HNRNPDL: variants seen among roughly 807,000 people sequenced by gnomAD.
HNRNPDL encodes the protein heterogeneous nuclear ribonucleoprotein D like, also known as heterogeneous nuclear ribonucleoprotein D-like.
HNRNPDL carries 18 observed loss-of-function variants against 48.0 expected under a neutral mutation model. The observed-to-expected ratio is 0.38, with a 90% CI of 0.26 to 0.56. The LOEUF is 0.56. Among genes scored for constraint, HNRNPDL ranks in the 20% least tolerant of loss-of-function variants. The pLI is 0.77. For synonymous variants in HNRNPDL, 306 were observed against 207.3 expected (o/e 1.48, Z -4.09); for missense variants, 553 against 540.7 (o/e 1.02, Z -0.23).
rs1721469187 is a variant in HNRNPDL at position 82,427,578 on chromosome 4, G to A, written c.775-14C>T. The A allele has an allele frequency of 1.2e-6, 2 of 1,605,800 alleles. No individual in the cohort carries two copies. Among genetic ancestry groups the A allele is most frequent in the Non-Finnish European group, 1.7e-6 (2 of 1,177,504 alleles). On this transcript the variant is annotated splice_polypyrimidine_tract_variant and intron_variant, in intron 3 of 7. Transcript: ENST00000295470. ...AATATTTTCAATCTGAAATCGAGATGCACACTCAACGTCATCCCATAATTG... is the reference window on the plus strand; with the variant it reads ...AATATTTTCAATCTGAAATCGAGATACACACTCAACGTCATCCCATAATTG...
Position 82,429,238 on chromosome 4 carries a change from C to G in HNRNPDL, c.443+10G>C, listed in dbSNP as rs201715406. On this transcript the variant is annotated intron_variant, in intron 1 of 7. Transcript: ENST00000295470. The stretch of plus-strand genomic sequence containing the variant: ...GGGGGAGGGGGAGCGGGGGAAGAAG[C>G]GTGCGGTACCCGTCATCCTGCTGAT... 6.2e-6 allele frequency: 10 copies of G among 1,612,388 alleles called. No homozygotes were observed. In the African/African-American group the frequency reaches 8.0e-5, roughly 13 times the overall value.
chr4:82,427,660 T>C (rs916018464), intron 3 of HNRNPDL, 96 bp from the exon 4 acceptor site: 15 of 1,141,140 alleles, frequency 1.3e-5, no homozygotes, highest in Admixed American at 4.3e-5. Flanking sequence ...CTTAAACATG[T>C]TATTCTTATC....
At position 82,424,323 on chromosome 4, in the gene HNRNPDL, C is replaced by T. The variant is rs1405047616; in HGVS notation, c.*583G>A. 6.6e-6 allele frequency: 1 copy of T among 152,402 alleles called. No homozygotes were observed. The highest frequency in any genetic ancestry group is 6.5e-5 in the Admixed American group (1 of 15,278). 9.4% of individuals were successfully genotyped at this position (152,402 alleles called of 1,614,324 possible). A position where few individuals can be genotyped will look rare whatever the true frequency, so the allele number is the denominator to read the frequency against. On this transcript the variant is annotated 3_prime_UTR_variant, in exon 8 of 8. Coordinates refer to ENST00000295470, the MANE Select transcript of HNRNPDL (RefSeq NM_031372.4). The stretch of plus-strand genomic sequence containing the variant: ...TACAATCCAGAAGAAATATGGTCTA[C>T]TAGAAAGCTTCTACTAATCACAACA...
At chr4:82,427,992 T>C in intron 3 of HNRNPDL, 26 bp downstream of exon 3, 1 of 1,602,410 alleles carries the variant, frequency 6.2e-7, no homozygotes, top group Non-Finnish European at 8.5e-7. Flanking sequence ...ACATCAAGCT[T>C]AACATGTGTA....
chr4:82,427,381 G>A (rs963688384), intron 4 of HNRNPDL, 52 bp downstream of exon 4: 10 of 1,533,480 alleles, frequency 6.5e-6, no homozygotes, highest in Non-Finnish European at 7.9e-6. Flanking sequence ...TCCACATCAA[G>A]AAATTATTTC....
rs1357810380 is a variant in HNRNPDL, at chr4:82,423,202, T to C, written c.*1704A>G. Reference sequence around the variant, plus strand: ...TACATATCAAGACTTGATTAAAAGTTTGGATTTTGTTTAAAAAGGCTTTAT... The same window carrying C: ...TACATATCAAGACTTGATTAAAAGTCTGGATTTTGTTTAAAAAGGCTTTAT... On this transcript the variant is annotated 3_prime_UTR_variant, in exon 8 of 8. Transcript: ENST00000295470. The C allele has an allele frequency of 6.6e-6, 1 of 152,194 alleles. No individual in the cohort carries two copies. The highest frequency in any genetic ancestry group is 1.5e-5 in the Non-Finnish European group (1 of 68,040). 9.4% of individuals were successfully genotyped at this position (152,194 alleles called of 1,614,324 possible).
chr4:82,427,343 G>C, intron 4 of HNRNPDL, 39 bp from the exon 5 acceptor site: 1 of 1,530,338 alleles, frequency 6.5e-7, no homozygotes, highest in Non-Finnish European at 8.8e-7. Flanking sequence ...TTTTACCGAA[G>C]TTCTAAAATT....
intron 5 of HNRNPDL, among the ~76,000 whole-genome samples, chr4:82,426,843 G>GA (rs1721431859): frequency 6.6e-6 from 1 of 152,062 alleles, no homozygotes; most frequent in Non-Finnish European, 1.5e-5. Context: ...AAACTTAATG[G>GA]AAAATCATTC....
intron 3 of HNRNPDL, among the ~76,000 whole-genome samples, chr4:82,427,809 C>T (rs1018324650): frequency 2.0e-5 from 3 of 152,174 alleles, no homozygotes; most frequent in African/African-American, 7.2e-5. Flanking sequence ...AAACACTGAC[C>T]ACATTTAAGT....
chr4:82,427,016 A>G (rs962867291), intron 5 of HNRNPDL, among the ~76,000 whole-genome samples, 174 bp downstream of exon 5: 1 of 152,138 alleles, frequency 6.6e-6, no homozygotes, highest in African/African-American at 2.4e-5. Context: ...GTTTTTTGAA[A>G]CCAGTGAGCT....
rs1721319904 is a variant in HNRNPDL, at chr4:82,424,204, T to C, written c.*702A>G. 6.6e-6 allele frequency: 1 copy of C among 152,244 alleles called. No homozygotes were observed. Among genetic ancestry groups the C allele is most frequent in the Non-Finnish European group, 1.5e-5 (1 of 68,032 alleles). The allele number at this position is 152,244 out of a possible 1,614,324, so 9.4% of individuals were successfully genotyped here. On this transcript the variant is annotated 3_prime_UTR_variant, in exon 8 of 8. Coordinates refer to ENST00000295470, the MANE Select transcript of HNRNPDL (RefSeq NM_031372.4). ...TGTGTTATGATTACAAAGCTTTTTCTAGGTGACCACTGATTAAAGCCAAAG... is the reference window on the plus strand; with the variant it reads ...TGTGTTATGATTACAAAGCTTTTTCCAGGTGACCACTGATTAAAGCCAAAG...
At chr4:82,427,073 C>T in intron 5 of HNRNPDL, 117 bp downstream of exon 5, 4 of 785,188 alleles carry the variant, frequency 5.1e-6, no homozygotes, top group Non-Finnish European at 9.0e-6. Context: ...CTGAACAGTC[C>T]CCCCTCCGCT....
Position 82,429,417 on chromosome 4 carries a change from A to G in HNRNPDL, c.274T>C (p.Ser92Pro), listed in dbSNP as rs199543859. The change falls in exon 1 of 8, where the codon TCC (serine) becomes CCC (proline). Residue 92 changes from serine to proline, a missense_variant. This residue lies in a region of HNRNPDL where 327 missense variants were observed against 203.2 expected (regional missense o/e 1.61). Coordinates refer to ENST00000295470, the MANE Select transcript of HNRNPDL (RefSeq NM_031372.4). The part of the protein sequence containing the change: ...RPDLFRRHFK[S>P]SSIQRSAAAA... ...GCGGCGGAGCGTTGTATGGAGCTGGATTTAAAATGGCGGCGGAAGAGATCC... is the reference window on the plus strand; with the variant it reads ...GCGGCGGAGCGTTGTATGGAGCTGGGTTTAAAATGGCGGCGGAAGAGATCC... 138 of 1,613,068 alleles carry G rather than the reference A, an allele frequency of 8.6e-5. No homozygotes were observed. In the African/African-American group the frequency reaches 1.6e-3, roughly 18 times the overall value.
chr4:82,427,584 T>A lies in HNRNPDL; in HGVS notation c.775-20A>T, dbSNP rs770505111. The A allele has an allele frequency of 1.5e-5, 24 of 1,603,688 alleles. No homozygotes were observed. The highest frequency in any genetic ancestry group is 3.4e-6 in the Non-Finnish European group (4 of 1,176,798). On this transcript the variant is annotated intron_variant, in intron 3 of 7. Transcript: ENST00000295470. ...TTCAATCTGAAATCGAGATGCACAC[T>A]CAACGTCATCCCATAATTGTAAAAC...
In HNRNPDL at chr4:82,430,144, T is replaced by C; in HGVS notation, c.-454A>G. ...AGCGCAGCGCGGGCGCCTCTTCCAC[T>C]GTGACCACGGGCGCGCGGGCCAAGG... On this transcript the variant is annotated 5_prime_UTR_variant, in exon 1 of 8. Coordinates refer to ENST00000295470, the MANE Select transcript of HNRNPDL (RefSeq NM_031372.4). 6.6e-6 allele frequency: 1 copy of C among 152,396 alleles called. No individual in the cohort carries two copies. Among genetic ancestry groups the C allele is most frequent in the Non-Finnish European group, 1.5e-5 (1 of 68,286 alleles). The allele number at this position is 152,396 out of a possible 1,614,324, so 9.4% of individuals were successfully genotyped here.
At position 82,423,250 on chromosome 4, in the gene HNRNPDL, GA is replaced by G. The variant is rs1721263214; in HGVS notation, c.*1655del. The stretch of plus-strand genomic sequence containing the variant: ...TATTCATTTTTTGATCAGGGAAAAG[GA>G]CAATCTCAATGTCAACTCGTCACCT... On this transcript the variant is annotated 3_prime_UTR_variant, in exon 8 of 8. Transcript: ENST00000295470. 6.6e-6 allele frequency: 1 copy of G among 152,086 alleles called. No individual in the cohort carries two copies. Among genetic ancestry groups the G allele is most frequent in the African/African-American group, 2.4e-5 (1 of 41,416 alleles). The allele number at this position is 152,086 out of a possible 1,614,324, so 9.4% of individuals were successfully genotyped here. A position where few individuals can be genotyped will look rare whatever the true frequency, so the allele number is the denominator to read the frequency against.
rs551564125 is a variant in HNRNPDL at position 82,423,792 on chromosome 4, GACTT to G, written c.*1110_*1113del. 15 of 151,550 alleles carry G rather than the reference GACTT, an allele frequency of 9.9e-5. No homozygotes were observed. Among genetic ancestry groups the G allele is most frequent in the African/African-American group, 2.7e-4 (11 of 41,350 alleles). The allele number at this position is 151,550 out of a possible 1,614,324, so 9.4% of individuals were successfully genotyped here. ...GTAATGACTCAGTCACATTTGTAAT[GACTT>G]AGTCACATTTGTAATGACTTTGTCA... On this transcript the variant is annotated 3_prime_UTR_variant, in exon 8 of 8. Coordinates refer to ENST00000295470, the MANE Select transcript of HNRNPDL (RefSeq NM_031372.4).
intron 7 of HNRNPDL, chr4:82,425,467 G>A (rs186725217): frequency 2.6e-5 from 4 of 152,814 alleles, no homozygotes; most frequent in Admixed American, 2.6e-4. Context: ...GTTAAGTTTA[G>A]ACACTTAATC....
chr4:82,426,565 C>T lies in HNRNPDL; in HGVS notation c.1090G>A (p.Ala364Thr), dbSNP rs1578083424. ...CTATAGTTTTGATCACCACCATAGG[C>T]ACTATTGTAATTTCCATATCCTTGA... The part of the protein sequence containing the change: ...YDQGYGNYNS[A>T]YGGDQNYSGY... The change falls in exon 6 of 8, where the codon GCC becomes ACC. Residue 364 changes from alanine (A) to threonine (T), a missense_variant. Around this residue, in one of 4 missense-constraint regions of HNRNPDL, gnomAD observed 174 missense variants for 204.6 expected, o/e 0.85. Coordinates refer to ENST00000295470, the MANE Select transcript of HNRNPDL (RefSeq NM_031372.4). 6.2e-7 allele frequency: 1 copy of T among 1,612,626 alleles called. No homozygotes were observed. The highest frequency in any genetic ancestry group is 8.5e-7 in the Non-Finnish European group (1 of 1,178,758).
Sources: allele counts gnomAD v4.1 joint callset (sites outside exome capture counted in the v4.1 genomes callset), GRCh38; gene constraint gnomAD v4.1.1; regional missense constraint gnomAD v4.1.1; transcripts MANE v1.5; gene names NCBI Gene and HGNC (gene_info 2026-07-23, HGNC 2026-07-21).